GPC5: variants seen among roughly 807,000 people sequenced by gnomAD.
The protein encoded by GPC5 is glypican 5.
Under a neutral mutation model 53.9 loss-of-function variants are expected in GPC5, and 47 were observed. The observed-to-expected ratio is 0.87, with a 90% CI of 0.69 to 1.11. The LOEUF is 1.11. GPC5 is among the 50% of genes most tolerant of loss of function. The probability of loss-of-function intolerance (pLI) is 0.00; values close to 1 mark genes in which losing one functional copy is unlikely to be tolerated. For synonymous variants in GPC5, 286 were observed against 263.3 expected (o/e 1.09, Z -0.84); for missense variants, 748 against 713.1 (o/e 1.05, Z -0.56).
intron 2 of GPC5, among the ~76,000 whole-genome samples, chr13:91,644,692 T>C (rs1011444620): frequency 2.6e-5 from 4 of 152,202 alleles, no homozygotes; most frequent in African/African-American, 9.6e-5. Flanking sequence ...TATCTTAACC[T>C]GTCTTTTGTT....
At chr13:91,763,904 G>T (rs144208141) in intron 5 of GPC5, among the ~76,000 whole-genome samples, 1 of 152,122 alleles carries the variant, frequency 6.6e-6, no homozygotes, top group East Asian at 1.9e-4. Flanking sequence ...TAGTATTTGC[G>T]TATAACCGAT....
At chr13:92,762,566 G>T (rs547633664) in intron 7 of GPC5, among the ~76,000 whole-genome samples, 1 of 152,136 alleles carries the variant, frequency 6.6e-6, no homozygotes, top group Non-Finnish European at 1.5e-5. Context: ...TCTTCAAGTT[G>T]AACATGTCTG....
intron 7 of GPC5, among the ~76,000 whole-genome samples, chr13:92,197,997 C>T (rs2042269533): frequency 6.6e-6 from 1 of 152,130 alleles, no homozygotes; most frequent in Non-Finnish European, 1.5e-5. Context: ...AGTCCTTGCA[C>T]TTGTTATTTT....
chr13:91,859,563 G>A (rs187132086), intron 5 of GPC5, among the ~76,000 whole-genome samples: 129 of 151,874 alleles, frequency 8.5e-4, no homozygotes, highest in African/African-American at 2.1e-3. Flanking sequence ...TGCCAAATTC[G>A]TGAGTATAGA....
At position 92,247,582 on chromosome 13, in the gene GPC5, C is replaced by T. The variant is rs998721692; in HGVS notation, c.1561+102593C>T. 4.6e-5 allele frequency among the ~76,000 whole-genome samples: 7 copies of T among 152,162 alleles called. No homozygotes were observed. The East Asian group carries it at 1.4e-3, about 29-fold the overall frequency. ...GGTATAATATAGTCTATGGAACATA[C>T]ACTGCCCCTTATGTTTGTTGCAATG... On this transcript the variant is annotated intron_variant, in intron 7 of 7. Coordinates refer to ENST00000377067, the MANE Select transcript of GPC5 (RefSeq NM_004466.6).
chr13:92,547,574 C>A (rs1356212398), intron 7 of GPC5, among the ~76,000 whole-genome samples: 1 of 152,094 alleles, frequency 6.6e-6, no homozygotes, highest in African/African-American at 2.4e-5. Context: ...GTGTACCTGT[C>A]AACTTCAGAC....
intron 7 of GPC5, among the ~76,000 whole-genome samples, chr13:92,553,854 A>T (rs959667708): frequency 6.6e-6 from 1 of 151,982 alleles, no homozygotes; most frequent in Non-Finnish European, 1.5e-5. Flanking sequence ...TTAACTTTTT[A>T]ACAGTTTGCC....
chr13:91,468,308 A>G (rs1882377582), intron 2 of GPC5, among the ~76,000 whole-genome samples: 1 of 152,054 alleles, frequency 6.6e-6, no homozygotes, highest in Admixed American at 6.6e-5. Flanking sequence ...GTATGGGTTG[A>G]ATTTTGTGTC....
intron 7 of GPC5, among the ~76,000 whole-genome samples, chr13:92,847,343 T>C (rs905759312): frequency 2.6e-5 from 4 of 152,178 alleles, no homozygotes; most frequent in Admixed American, 1.3e-4. Context: ...CACTGTGATA[T>C]GGTTTGGATT....
At chr13:92,128,322 A>G (rs2041716483) in intron 6 of GPC5, among the ~76,000 whole-genome samples, 1 of 152,136 alleles carries the variant, frequency 6.6e-6, no homozygotes, top group Non-Finnish European at 1.5e-5. Context: ...AGTGACACCT[A>G]TGTTATTACA....
chr13:92,125,766 C>T (rs920073835), intron 6 of GPC5, among the ~76,000 whole-genome samples: 6 of 151,878 alleles, frequency 4.0e-5, no homozygotes, highest in Non-Finnish European at 5.9e-5. Context: ...AATGGTGATG[C>T]CCTCAAAATG....
intron 7 of GPC5, among the ~76,000 whole-genome samples, chr13:92,810,628 A>G (rs1566428334): frequency 6.6e-6 from 1 of 151,926 alleles, no homozygotes. Context: ...GTAACCTTGA[A>G]TCTACTTTGA....
chr13:92,823,403 T>C (rs1335763310), intron 7 of GPC5, among the ~76,000 whole-genome samples: 2 of 152,154 alleles, frequency 1.3e-5, no homozygotes, highest in Non-Finnish European at 2.9e-5. Flanking sequence ...TTCAGCTGAT[T>C]TGCTATAATA....
At chr13:92,764,454 G>A (rs1249011891) in intron 7 of GPC5, among the ~76,000 whole-genome samples, 1 of 152,194 alleles carries the variant, frequency 6.6e-6, no homozygotes, top group Non-Finnish European at 1.5e-5. Context: ...CAGCCATATG[G>A]ACTCGAGGCA....
intron 3 of GPC5, among the ~76,000 whole-genome samples, chr13:91,698,879 A>T (rs2035937500): frequency 6.6e-6 from 1 of 152,180 alleles, no homozygotes. Context: ...TTTCACAATA[A>T]TAAGAAGGCT....
At chr13:92,621,063 G>A (rs150782427) in intron 7 of GPC5, among the ~76,000 whole-genome samples, 2 of 152,284 alleles carry the variant, frequency 1.3e-5, no homozygotes, top group African/African-American at 4.8e-5. Context: ...GGAAGCTGGG[G>A]TGAGGTCAAC....
chr13:92,268,310 ATTC>A lies in GPC5; in HGVS notation c.1561+123325_1561+123327del, dbSNP rs544520492. ...TTTTGACATATATAAAGTACAAATT[ATTC>A]TTCCCATTTCAGCCCTTTGATTTGG... On this transcript the variant is annotated intron_variant, in intron 7 of 7. Transcript: ENST00000377067. Among the ~76,000 whole-genome samples the A allele has an allele frequency of 1.6e-4, 25 of 152,102 alleles. No individual in the cohort carries two copies. In the South Asian group the frequency reaches 4.6e-3, roughly 28 times the overall value.
At chr13:92,315,496 C>A (rs2043173172) in intron 7 of GPC5, among the ~76,000 whole-genome samples, 1 of 152,178 alleles carries the variant, frequency 6.6e-6, no homozygotes, top group Non-Finnish European at 1.5e-5. Context: ...TCATTTCTGC[C>A]TGTTGACCTC....
chr13:92,570,501 G>A (rs1001636218), intron 7 of GPC5, among the ~76,000 whole-genome samples: 34 of 151,880 alleles, frequency 2.2e-4, no homozygotes, highest in African/African-American at 7.7e-4. Context: ...TAAAAATAAA[G>A]GTTATTTAAT....
Sources: gnomAD v4.1 joint callset for allele counts (sites outside exome capture counted in the v4.1 genomes callset) on GRCh38, gnomAD v4.1.1 for gene constraint, MANE v1.5 for transcripts, NCBI Gene and HGNC (gene_info 2026-07-23, HGNC 2026-07-21) for gene names.